GSE1: variants seen among roughly 807,000 people sequenced by gnomAD.
GSE1 encodes the protein genetic suppressor element 1.
A neutral mutation model predicts 112.6 loss-of-function variants in GSE1; 32 were observed. That is an observed-to-expected ratio of 0.28 (90% CI 0.21 to 0.38). The LOEUF is 0.38. GSE1 is among the 10% of genes least tolerant of loss of function. The probability of loss-of-function intolerance (pLI) is 1.00; values close to 1 mark genes in which losing one functional copy is unlikely to be tolerated. For synonymous variants in GSE1, 1,115 were observed against 735.6 expected (o/e 1.52, Z -8.35); for missense variants, 2,348 against 1,699.2 (o/e 1.38, Z -6.71).
Position 85,281,725 on chromosome 16 carries a change from A to G in GSE1, c.2284-75738A>G, listed in dbSNP as rs539606891. 7.1e-4 allele frequency among the ~76,000 whole-genome samples: 108 copies of G among 152,308 alleles called. 1 individual carries two copies. Among genetic ancestry groups the G allele is most frequent in the Admixed American group, 3.6e-3 (55 of 15,300 alleles). On this transcript the variant is annotated intron_variant, in intron 1 of 2. Coordinates refer to the GSE1 transcript ENST00000637419. ...GACGTGGTTTTCAGGGTGTCAGCCC[A>G]CTTCAGGTTATAGGTGGTGTCCAGT...
At chr16:85,638,562 C>T (rs1206111603) in intron 2 of GSE1, among the ~76,000 whole-genome samples, 10 of 152,206 alleles carry the variant, frequency 6.6e-5, no homozygotes. Context: ...GTCTCTACCT[C>T]ATGAATCGTG....
At chr16:85,200,230 C>A (rs4502205) in intron 1 of GSE1, among the ~76,000 whole-genome samples, 3,941 of 152,256 alleles carry the variant, frequency 0.026, 136 homozygotes, top group East Asian at 0.12. Flanking sequence ...TATCTTTCTA[C>A]CAGGGGTCTT....
intron 1 of GSE1, among the ~76,000 whole-genome samples, chr16:85,574,488 T>A (rs1210970492): frequency 6.6e-6 from 1 of 152,188 alleles, no homozygotes; most frequent in African/African-American, 2.4e-5. Flanking sequence ...GTAGCCGAAC[T>A]CTGCGAAGTT....
intron 1 of GSE1, among the ~76,000 whole-genome samples, chr16:85,577,002 A>C (rs1481602982): frequency 6.6e-6 from 1 of 152,124 alleles, no homozygotes; most frequent in Non-Finnish European, 1.5e-5. Flanking sequence ...TATCACAGTC[A>C]GGACGCTGAG....
chr16:85,170,694 G>A, exon 1 of GSE1: 2 of 985,756 alleles, frequency 2.0e-6, no homozygotes, highest in Non-Finnish European at 2.4e-6. Context: ...AGAAGCAGGA[G>A]AAGCTGGCTC....
chr16:85,251,296 T>A (rs1406794337), intron 1 of GSE1, among the ~76,000 whole-genome samples: 1 of 152,218 alleles, frequency 6.6e-6, no homozygotes, highest in Non-Finnish European at 1.5e-5. Context: ...ACAAAGCCTG[T>A]CCCTATGGGG....
chr16:85,526,992 C>G (rs1021039365), intron 2 of GSE1, among the ~76,000 whole-genome samples: 2 of 152,178 alleles, frequency 1.3e-5, no homozygotes, highest in African/African-American at 4.8e-5. Context: ...AGTGGAAGTG[C>G]CAAAACAGTG....
At chr16:85,562,958 G>A (rs2045588697) in intron 1 of GSE1, among the ~76,000 whole-genome samples, 1 of 152,228 alleles carries the variant, frequency 6.6e-6, no homozygotes, top group African/African-American at 2.4e-5. Context: ...AGACTGTTGT[G>A]GCCCTTAACG....
chr16:85,258,128 AG>A (rs764428470), intron 1 of GSE1, among the ~76,000 whole-genome samples: 6 of 152,192 alleles, frequency 3.9e-5, no homozygotes, highest in Non-Finnish European at 7.4e-5. Context: ...GGCAGGGTAG[AG>A]TGTGCACCTA....
Position 85,662,997 on chromosome 16 carries a change from C to T in GSE1, c.2277C>T (p.Leu759=), listed in dbSNP as rs2052555396. The change falls in exon 10 of 16, where the codon CTC becomes CTT. Residue 759 remains leucine (L), a synonymous_variant. Coordinates refer to ENST00000253458, the MANE Select transcript of GSE1 (RefSeq NM_014615.5). The stretch of plus-strand genomic sequence containing the variant: ...CTCCATCAGGGTACTACTACGACCT[C>T]GATGACTCTTACGACGAGAGCGATG... ...EAQEKGYYYD[L]DDSYDESDEE... is the part of the protein sequence containing the mutation. 7 of 1,609,606 alleles carry T rather than the reference C, an allele frequency of 4.3e-6. No individual in the cohort carries two copies. In the Middle Eastern group the frequency reaches 5.0e-4, roughly 114 times the overall value.
chr16:85,571,768 G>A (rs2045991964), intron 1 of GSE1, among the ~76,000 whole-genome samples: 4 of 152,240 alleles, frequency 2.6e-5, no homozygotes, highest in Non-Finnish European at 4.4e-5. Context: ...AGGCCATGGC[G>A]GAGCTCAGGC....
intron 2 of GSE1, among the ~76,000 whole-genome samples, chr16:85,425,597 A>G (rs2048959472): frequency 1.3e-5 from 2 of 152,200 alleles, no homozygotes; most frequent in South Asian, 2.1e-4. Context: ...GAAGAGGCGC[A>G]GTAAAGGATG....
At chr16:85,349,761 G>A (rs1597458595) in intron 1 of GSE1, among the ~76,000 whole-genome samples, 1 of 152,198 alleles carries the variant, frequency 6.6e-6, no homozygotes, top group Non-Finnish European at 1.5e-5. Flanking sequence ...TCCTGCGGTT[G>A]TGTTCCTTGT....
chr16:85,283,061 A>G (rs1428668349), intron 1 of GSE1: 1 of 152,676 alleles, frequency 6.5e-6, no homozygotes, highest in Non-Finnish European at 1.5e-5. Flanking sequence ...CTCCCACGGT[A>G]GGCGCATGGT....
intron 1 of GSE1, among the ~76,000 whole-genome samples, chr16:85,265,204 G>A (rs988575770): frequency 2.0e-5 from 3 of 152,196 alleles, no homozygotes; most frequent in Non-Finnish European, 2.9e-5. Context: ...GAGGGCCTGC[G>A]GGTAAAGGCC....
chr16:85,197,062 G>C (rs1487585447), intron 1 of GSE1, among the ~76,000 whole-genome samples: 2 of 152,166 alleles, frequency 1.3e-5, no homozygotes, highest in African/African-American at 2.4e-5. Context: ...TCAGACGAGG[G>C]GTTGGATGTG....
At chr16:85,280,868 A>C (rs938593045) in intron 1 of GSE1, among the ~76,000 whole-genome samples, 1 of 152,074 alleles carries the variant, frequency 6.6e-6, no homozygotes, top group African/African-American at 2.4e-5. Flanking sequence ...GTGCAAGGAG[A>C]AGCAGAGAAC....
chr16:85,593,617 C>G (rs2047089430), intron 1 of GSE1: 1 of 151,420 alleles, frequency 6.6e-6, no homozygotes, highest in Admixed American at 6.6e-5. Context: ...CGGCCCCTCA[C>G]TCCCCCCCTA....
intron 2 of GSE1, among the ~76,000 whole-genome samples, chr16:85,375,416 C>T (rs374718307): frequency 2.6e-5 from 4 of 152,274 alleles, no homozygotes; most frequent in African/African-American, 9.6e-5. Context: ...AGGCCCAGGG[C>T]GCCCATTAAG....
Sources: gnomAD v4.1 joint callset for allele counts (sites outside exome capture counted in the v4.1 genomes callset) on GRCh38, gnomAD v4.1.1 for gene constraint, MANE v1.5 for transcripts, NCBI Gene and HGNC (gene_info 2026-07-23, HGNC 2026-07-21) for gene names.